ZNF695: variants seen among roughly 807,000 people sequenced by gnomAD.
ZNF695 encodes zinc finger protein SBZF3.
A neutral mutation model predicts 11.2 loss-of-function variants in ZNF695; 11 were observed. The observed-to-expected ratio is 0.98, with a 90% CI of 0.62 to 1.62. The LOEUF is 1.62. ZNF695 is among the 40% of genes most tolerant of loss of function. The pLI, the probability that ZNF695 is intolerant of heterozygous loss-of-function variation, is 0.00. For missense variants in ZNF695, 559 were observed against 590.5 expected, an observed-to-expected ratio of 0.95 and a Z score of 0.55; for synonymous variants, 190 against 201.4, an observed-to-expected ratio of 0.94 and a Z score of 0.48.
chr1:246,990,378 C>A (rs1159667691), intron 3 of ZNF695, among the ~76,000 whole-genome samples: 1 of 152,002 alleles, frequency 6.6e-6, no homozygotes, highest in Admixed American at 6.6e-5. Context: ...AAAAGAAGGT[C>A]ATTAAATAAT....
intron 5 of ZNF695, among the ~76,000 whole-genome samples, chr1:246,965,884 C>T (rs531139879): frequency 6.6e-6 from 1 of 151,926 alleles, no homozygotes; most frequent in African/African-American, 2.4e-5. Flanking sequence ...TGTTTATATA[C>T]CTTGTTTCAG....
intron 4 of ZNF695, among the ~76,000 whole-genome samples, chr1:246,979,216 T>A (rs1309436918): frequency 2.6e-5 from 4 of 152,038 alleles, no homozygotes; most frequent in Non-Finnish European, 5.9e-5. Flanking sequence ...GGGAGATAAC[T>A]CAAAAATAGA....
intron 3 of ZNF695, chr1:246,996,126 A>C (rs912497751): frequency 2.3e-6 from 1 of 430,146 alleles, no homozygotes; most frequent in African/African-American, 2.1e-5. Context: ...CAGGTGGATC[A>C]CCTGAGGTAA....
At chr1:246,964,324 T>G (rs1026848863) in intron 5 of ZNF695, among the ~76,000 whole-genome samples, 6 of 152,078 alleles carry the variant, frequency 3.9e-5, no homozygotes, top group Admixed American at 3.9e-4. Context: ...GTCTTTCTGG[T>G]GACCAGCCCT....
intron 4 of ZNF695, among the ~76,000 whole-genome samples, chr1:246,979,680 A>G (rs1558312096): frequency 6.6e-6 from 1 of 152,200 alleles, no homozygotes; most frequent in Non-Finnish European, 1.5e-5. Flanking sequence ...TGGTTGAGAA[A>G]TTTATTTTTA....
rs1199065368 is a variant in ZNF695 at position 246,977,402 on chromosome 1, G to A, written c.391-9610C>T. On this transcript the variant is annotated intron_variant, in intron 4 of 5. Coordinates refer to the ZNF695 transcript ENST00000487338. ...CTCCTGAGTAGCTGAGACTACGGGT[G>A]CCCGCCACCATACCTGGCTAATTTT... Among the ~76,000 whole-genome samples the A allele has an allele frequency of 2.6e-5, 4 of 152,266 alleles. No individual in the cohort carries two copies. In the East Asian group the frequency reaches 7.7e-4, roughly 29 times the overall value.
At chr1:246,959,152 A>C (rs1456633092) in intron 5 of ZNF695, among the ~76,000 whole-genome samples, 1 of 149,662 alleles carries the variant, frequency 6.7e-6, no homozygotes, top group Non-Finnish European at 1.5e-5. Context: ...CCGGGCATGT[A>C]CCTGTAGTCC....
chr1:246,981,906 C>T (rs1217558165), downstream of ZNF695, among the ~76,000 whole-genome samples: 16 of 152,136 alleles, frequency 1.1e-4, no homozygotes, highest in Admixed American at 1.0e-3. Context: ...CTATGGACTG[C>T]CAACTGCACC....
At position 247,001,578 on chromosome 1, in the gene ZNF695, T is replaced by C. The variant is rs112259221; in HGVS notation, c.4-1504A>G. On this transcript the variant is annotated intron_variant, in intron 1 of 3. Transcript: ENST00000339986. ...ACTACAAAAAATTAGCTACACGTGG[T>C]GGCGGGCGCCTGTAATCCCAGCTAC... 3.0e-3 allele frequency among the ~76,000 whole-genome samples: 451 copies of C among 151,426 alleles called. 4 individuals are homozygous for C. The highest frequency in any genetic ancestry group is 0.01 in the African/African-American group (416 of 41,356).
In ZNF695 at chr1:246,986,862, A is replaced by C; in HGVS notation, c.*105T>G. 3 of 1,459,034 alleles carry C rather than the reference A, an allele frequency of 2.1e-6. No individual in the cohort carries two copies. Among genetic ancestry groups the C allele is most frequent in the Non-Finnish European group, 2.7e-6 (3 of 1,107,064 alleles). 90.4% of individuals were successfully genotyped at this position (1,459,034 alleles called of 1,614,324 possible). A position where few individuals can be genotyped will look rare whatever the true frequency, so the allele number is the denominator to read the frequency against. ...CATAGACTGTAAATGGCCTTTTGAC[A>C]GTCATTACATTTGTAACACTCTTAT... On this transcript the variant is annotated 3_prime_UTR_variant, in exon 4 of 4. Coordinates refer to ENST00000339986, the MANE Select transcript of ZNF695 (RefSeq NM_020394.5).
chr1:246,970,332 G>A (rs1461460491), intron 4 of ZNF695, among the ~76,000 whole-genome samples: 6 of 151,148 alleles, frequency 4.0e-5, no homozygotes, highest in Non-Finnish European at 3.0e-5. Context: ...GGAAACAGAG[G>A]TGAGCCCTAC....
At chr1:246,996,495 A>G (rs1669214607) in intron 3 of ZNF695, among the ~76,000 whole-genome samples, 1 of 152,268 alleles carries the variant, frequency 6.6e-6, no homozygotes, top group African/African-American at 2.4e-5. Context: ...TCTACAATAA[A>G]GATGAATCTT....
intron 3 of ZNF695, among the ~76,000 whole-genome samples, chr1:246,998,954 C>A (rs1385290149): frequency 1.3e-5 from 2 of 148,764 alleles, no homozygotes; most frequent in Middle Eastern, 3.5e-3. Flanking sequence ...GGCGACAGAA[C>A]GAGACTCTGT....
At chr1:246,989,059 A>G (rs1267187725) in intron 3 of ZNF695, among the ~76,000 whole-genome samples, 1 of 148,544 alleles carries the variant, frequency 6.7e-6, no homozygotes, top group Non-Finnish European at 1.5e-5. Context: ...GCGCCACTGC[A>G]CTCCAGCCTG....
intron 3 of ZNF695, among the ~76,000 whole-genome samples, chr1:246,990,643 G>C (rs1185869048): frequency 6.6e-6 from 1 of 152,192 alleles, no homozygotes; most frequent in Non-Finnish European, 1.5e-5. Context: ...AACGTTTCAT[G>C]CAACAGCTGC....
chr1:246,987,348 A>G lies in ZNF695; in HGVS notation c.1167T>C (p.Phe389=). 3.1e-6 allele frequency: 5 copies of G among 1,613,862 alleles called. No individual in the cohort carries two copies. The highest frequency in any genetic ancestry group is 4.2e-6 in the Non-Finnish European group (5 of 1,179,874). Residue 389 remains phenylalanine, a synonymous_variant, in exon 4 of 4, where the codon TTT becomes TTC. Transcript: ENST00000339986. ...GCTGAATAAGGTATGAGAACCAGGT[A>G]AAAGCTTTGCCACATTCCTCACATT... is the stretch of plus-strand genomic sequence containing the variant. ...PYKCEECGKA[F]TWFSYLIQHK...
chr1:246,964,271 T>C (rs990572909), intron 5 of ZNF695, among the ~76,000 whole-genome samples: 3 of 152,044 alleles, frequency 2.0e-5, no homozygotes, highest in Admixed American at 6.5e-5. Flanking sequence ...TCATGGAGGA[T>C]GGGGAGCTGA....
chr1:246,988,784 C>T (rs1482613029), intron 3 of ZNF695, among the ~76,000 whole-genome samples: 5 of 152,118 alleles, frequency 3.3e-5, no homozygotes, highest in African/African-American at 1.2e-4. Flanking sequence ...AGAGAAATCC[C>T]GTCTCTACTA....
intron 3 of ZNF695, among the ~76,000 whole-genome samples, chr1:246,990,686 C>T (rs189281023): frequency 6.6e-6 from 1 of 152,304 alleles, no homozygotes; most frequent in Admixed American, 6.5e-5. Flanking sequence ...GCACATGGAT[C>T]ATTCTCAAGG....
Sources: allele counts gnomAD v4.1 joint callset (sites outside exome capture counted in the v4.1 genomes callset), GRCh38; gene constraint gnomAD v4.1.1; transcripts MANE v1.5; gene names NCBI Gene and HGNC (gene_info 2026-07-23, HGNC 2026-07-21).